Variants in STK32B observed in about 807,000 individuals in gnomAD.
The protein encoded by STK32B is serine/threonine kinase 32B.
In STK32B, 43 loss-of-function variants were observed where a neutral mutation model predicts 52.6. The ratio of observed to expected loss-of-function variants is 0.82; its 90% CI spans 0.64 to 1.05. STK32B has a LOEUF of 1.05. Among genes scored for constraint, STK32B ranks in the 50% least tolerant of loss-of-function variants. The probability of loss-of-function intolerance (pLI) is 0.00; values close to 1 mark genes in which losing one functional copy is unlikely to be tolerated. For missense variants in STK32B, 621 were observed against 534.6 expected (o/e 1.16, Z -1.59); for synonymous variants, 238 against 204.3 (o/e 1.17, Z -1.41).
At chr4:5,263,318 A>G (rs1433544719) in intron 3 of STK32B, among the ~76,000 whole-genome samples, 10 of 139,464 alleles carry the variant, frequency 7.2e-5, no homozygotes, top group Admixed American at 2.8e-4. Context: ...TTTGGTTTTC[A>G]CTGGGCCAGT....
At chr4:5,329,354 C>T (rs918048435) in intron 3 of STK32B, among the ~76,000 whole-genome samples, 14 of 152,176 alleles carry the variant, frequency 9.2e-5, no homozygotes, top group East Asian at 1.9e-4. Flanking sequence ...GGTGGCCCTC[C>T]GCTGTTTGTG....
At chr4:5,116,941 G>T (rs28856960) in intron 1 of STK32B, among the ~76,000 whole-genome samples, 6,117 of 152,022 alleles carry the variant, frequency 0.04, 163 homozygotes, top group Non-Finnish European at 0.058. Flanking sequence ...TTCTTTTTTG[G>T]ATAGTTCCTT....
chr4:5,374,055 A>T lies in STK32B; in HGVS notation c.435-24152A>T, dbSNP rs975101743. 8.4e-4 allele frequency among the ~76,000 whole-genome samples: 128 copies of T among 152,340 alleles called. 1 individual carries two copies. The highest frequency in any genetic ancestry group is 6.8e-3 in the Middle Eastern group (2 of 294). ...CTGATGTCTTTATAAGAGACAGAAG[A>T]GGAAATGCAGAGGGGAGAAGGCCAT... On this transcript the variant is annotated intron_variant, in intron 4 of 11. Coordinates refer to ENST00000282908, the MANE Select transcript of STK32B (RefSeq NM_018401.3).
intron 4 of STK32B, among the ~76,000 whole-genome samples, chr4:5,331,827 C>T (rs1732269964): frequency 6.7e-6 from 1 of 149,758 alleles, no homozygotes. Flanking sequence ...TCAGTGCTGG[C>T]TCTGGGCTTT....
intron 3 of STK32B, among the ~76,000 whole-genome samples, chr4:5,181,558 A>G (rs1278266122): frequency 1.3e-5 from 2 of 152,366 alleles, no homozygotes; most frequent in Non-Finnish European, 2.9e-5. Flanking sequence ...TACGTCGGAA[A>G]TATTGCAGGT....
chr4:5,366,492 G>A (rs974443880), intron 4 of STK32B, among the ~76,000 whole-genome samples: 4 of 152,222 alleles, frequency 2.6e-5, no homozygotes, highest in Non-Finnish European at 5.9e-5. Flanking sequence ...GTTGCTGACA[G>A]TGGAGATGAG....
chr4:5,133,449 C>T (rs1177187996), intron 1 of STK32B, among the ~76,000 whole-genome samples: 4 of 152,094 alleles, frequency 2.6e-5, no homozygotes, highest in African/African-American at 7.2e-5. Context: ...ACCCATACTC[C>T]CACTACTCAA....
intron 3 of STK32B, among the ~76,000 whole-genome samples, chr4:5,291,098 T>C (rs1038906300): frequency 2.6e-5 from 4 of 152,150 alleles, no homozygotes; most frequent in African/African-American, 9.6e-5. Flanking sequence ...ACTATAACAT[T>C]GTAATAAGTT....
rs191733467 is a variant in STK32B at position 5,251,299 on chromosome 4, T to C, written c.261-79921T>C. Among the ~76,000 whole-genome samples the C allele has an allele frequency of 1.1e-3, 164 of 152,374 alleles. 2 individuals are homozygous for C. The Middle Eastern group carries it at 0.014, about 13-fold the overall frequency. The stretch of plus-strand genomic sequence containing the variant: ...AAGGGTCCAGTTTTAATCTTCTGCA[T>C]GTGGCTGGTTAGTTATCCCAGCACC... On this transcript the variant is annotated intron_variant, in intron 3 of 11. Transcript: ENST00000282908.
chr4:5,297,346 C>T (rs1354762257), intron 3 of STK32B, among the ~76,000 whole-genome samples: 2 of 152,102 alleles, frequency 1.3e-5, no homozygotes, highest in African/African-American at 4.8e-5. Context: ...TGGAGATGTT[C>T]TCCTGGATAA....
intron 11 of STK32B, among the ~76,000 whole-genome samples, chr4:5,478,193 T>A (rs984629295): frequency 6.6e-6 from 1 of 152,124 alleles, no homozygotes; most frequent in Non-Finnish European, 1.5e-5. Flanking sequence ...AAGGATGGGA[T>A]GTAGGTATTA....
At chr4:5,354,822 G>A (rs1734067245) in intron 4 of STK32B, among the ~76,000 whole-genome samples, 1 of 152,088 alleles carries the variant, frequency 6.6e-6, no homozygotes, top group South Asian at 2.1e-4. Context: ...GGTCAAATAT[G>A]TATAAATTAA....
chr4:5,162,448 G>C (rs893563934), intron 2 of STK32B, among the ~76,000 whole-genome samples: 1 of 152,164 alleles, frequency 6.6e-6, no homozygotes, highest in African/African-American at 2.4e-5. Context: ...GTGTGTTGCA[G>C]GTTCTCAGTA....
At chr4:5,473,473 C>T (rs1718002228) in intron 11 of STK32B, among the ~76,000 whole-genome samples, 1 of 152,098 alleles carries the variant, frequency 6.6e-6, no homozygotes, top group African/African-American at 2.4e-5. Context: ...ATGCTTATTC[C>T]CCCCCATTTC....
chr4:5,254,060 C>T (rs1030152482), intron 3 of STK32B, among the ~76,000 whole-genome samples: 2 of 152,202 alleles, frequency 1.3e-5, no homozygotes, highest in South Asian at 2.1e-4. Flanking sequence ...GTTGGGATTA[C>T]AGGCGTGAGC....
intron 4 of STK32B, among the ~76,000 whole-genome samples, chr4:5,333,703 A>G (rs908595205): frequency 1.3e-5 from 2 of 152,194 alleles, no homozygotes; most frequent in Non-Finnish European, 2.9e-5. Context: ...ATGGCTAGCC[A>G]GTTTTCCCAG....
chr4:5,172,648 A>T (rs900084272), intron 3 of STK32B, among the ~76,000 whole-genome samples: 1 of 152,200 alleles, frequency 6.6e-6, no homozygotes. Context: ...CTTGCATCCC[A>T]GGGATGAACC....
intron 4 of STK32B, among the ~76,000 whole-genome samples, chr4:5,363,274 A>C (rs1265232385): frequency 6.6e-6 from 1 of 152,214 alleles, no homozygotes; most frequent in Non-Finnish European, 1.5e-5. Context: ...GTCTTGCATC[A>C]TTTAATTTAA....
At chr4:5,280,120 C>A (rs1188552256) in intron 3 of STK32B, among the ~76,000 whole-genome samples, 1 of 152,166 alleles carries the variant, frequency 6.6e-6, no homozygotes, top group Non-Finnish European at 1.5e-5. Flanking sequence ...TCTTTTCTAC[C>A]ACATGGTCAG....
Sources: gnomAD v4.1 joint callset for allele counts (sites outside exome capture counted in the v4.1 genomes callset) on GRCh38, gnomAD v4.1.1 for gene constraint, MANE v1.5 for transcripts, NCBI Gene and HGNC (gene_info 2026-07-23, HGNC 2026-07-21) for gene names.